NCOR1: variants seen among roughly 807,000 people sequenced by gnomAD.
NCOR1 encodes protein phosphatase 1, regulatory subunit 109.
NCOR1 carries 63 observed loss-of-function variants against 288.1 expected under a neutral mutation model. The ratio of observed to expected loss-of-function variants is 0.22; its 90% CI spans 0.18 to 0.27. The LOEUF is 0.27. Among genes scored for constraint, NCOR1 ranks in the 10% least tolerant of loss-of-function variants. NCOR1 has a pLI of 1.00. For synonymous variants in NCOR1, 1,007 were observed against 1,065.9 expected, an observed-to-expected ratio of 0.94 and a Z score of 1.08; for missense variants, 2,397 against 3,019.2, an observed-to-expected ratio of 0.79 and a Z score of 4.83.
chr17:16,041,504 C>T (rs1478951494), intron 42 of NCOR1, among the ~76,000 whole-genome samples: 1 of 147,610 alleles, frequency 6.8e-6, no homozygotes, highest in East Asian at 2.0e-4. Context: ...ACCTCTGCCT[C>T]CTGGGTTCAA....
At chr17:16,123,897 T>C (rs145200521) in intron 15 of NCOR1, among the ~76,000 whole-genome samples, 155 of 152,338 alleles carry the variant, frequency 1.0e-3, no homozygotes, top group African/African-American at 3.6e-3. Flanking sequence ...GGGAATAGTA[T>C]ACATCTTACG....
intron 32 of NCOR1, 43 bp downstream of exon 32, chr17:16,067,851 G>T: frequency 6.5e-7 from 1 of 1,533,076 alleles, no homozygotes; most frequent in Non-Finnish European, 8.9e-7. Context: ...CATACTGGTG[G>T]CATATTTATT....
rs191324589 is a variant in NCOR1 at position 16,188,423 on chromosome 17, A to C, written c.109-1736T>G. Among the ~76,000 whole-genome samples, 629 of 152,080 alleles carry C rather than the reference A, an allele frequency of 4.1e-3. 7 individuals carry two copies. Among genetic ancestry groups the C allele is most frequent in the African/African-American group, 0.015 (607 of 41,498 alleles). ...TCAGGAGTTTGAGAACAGCCTGGCCAACACAGTGAAACCCCATCTCCACTA... is the reference window on the plus strand; with the variant it reads ...TCAGGAGTTTGAGAACAGCCTGGCCCACACAGTGAAACCCCATCTCCACTA... On this transcript the variant is annotated intron_variant, in intron 2 of 45. Coordinates refer to ENST00000268712, the MANE Select transcript of NCOR1 (RefSeq NM_006311.4).
intron 14 of NCOR1, among the ~76,000 whole-genome samples, chr17:16,128,480 A>C (rs994670748): frequency 1.3e-5 from 2 of 152,196 alleles, no homozygotes; most frequent in African/African-American, 4.8e-5. Flanking sequence ...AAGAACAAGA[A>C]TCCAATCTTA....
intron 3 of NCOR1, among the ~76,000 whole-genome samples, chr17:16,181,145 T>C (rs1285867040): frequency 2.7e-5 from 4 of 148,154 alleles, no homozygotes; most frequent in African/African-American, 5.0e-5. Flanking sequence ...GGTGACAGAG[T>C]GAGACTCTGT....
intron 19 of NCOR1, among the ~76,000 whole-genome samples, chr17:16,104,458 G>A (rs916627700): frequency 9.2e-5 from 14 of 152,090 alleles, no homozygotes; most frequent in Admixed American, 3.9e-4. Flanking sequence ...ATATTCTAGC[G>A]TGAAATAGAC....
At position 16,146,306 on chromosome 17, in the gene NCOR1, A is replaced by T. The variant is rs754854817; in HGVS notation, c.1082+70T>A. 988 of 1,447,508 alleles carry T rather than the reference A, an allele frequency of 6.8e-4. 1 individual carries two copies. The highest frequency in any genetic ancestry group is 8.8e-4 in the Non-Finnish European group (950 of 1,081,406). The allele number at this position is 1,447,508 out of a possible 1,614,324, so 89.7% of individuals were successfully genotyped here. On this transcript the variant is annotated intron_variant, in intron 10 of 45. Coordinates refer to ENST00000268712, the MANE Select transcript of NCOR1 (RefSeq NM_006311.4). ...AGAATGATCAATACATACTAAAAAAATTTTTAAAAAAAAGAAACAATAAAT... is the reference window on the plus strand; with the variant it reads ...AGAATGATCAATACATACTAAAAAATTTTTTAAAAAAAAGAAACAATAAAT...
chr17:16,077,621 A>G, intron 26 of NCOR1, among the ~76,000 whole-genome samples: 3 of 146,022 alleles, frequency 2.1e-5, no homozygotes, highest in African/African-American at 5.1e-5. Flanking sequence ...GGAAGGGAGG[A>G]AGGGAGGAAG....
intron 11 of NCOR1, among the ~76,000 whole-genome samples, chr17:16,139,462 A>C (rs2076864852): frequency 1.3e-5 from 2 of 152,222 alleles, no homozygotes; most frequent in African/African-American, 4.8e-5. Flanking sequence ...ACTTAACATA[A>C]TAAAATTTTA....
At chr17:16,105,118 G>C (rs2068354556) in intron 19 of NCOR1, among the ~76,000 whole-genome samples, 1 of 152,176 alleles carries the variant, frequency 6.6e-6, no homozygotes, top group African/African-American at 2.4e-5. Context: ...GTAAGGCCTT[G>C]GGTCTTTATT....
intron 14 of NCOR1, among the ~76,000 whole-genome samples, chr17:16,127,236 CATATATGTATGT>C (rs910112479): frequency 2.6e-5 from 3 of 116,726 alleles, no homozygotes; most frequent in South Asian, 2.8e-4. Context: ...TACATGTATG[CATATATGTATGT>C]ATATATGTGT....
chr17:16,173,236 G>C lies in NCOR1; in HGVS notation c.243-1241C>G, dbSNP rs145285467. Among the ~76,000 whole-genome samples, 108 of 152,186 alleles carry C rather than the reference G, an allele frequency of 7.1e-4. 2 individuals carry two copies. The East Asian group carries it at 0.02, about 28-fold the overall frequency. Reference sequence around the variant, plus strand: ...GCACCTGGCCTGAATGCTAAATTCTGTAAAATTATTATACTTCAAAATTTT... The same window carrying C: ...GCACCTGGCCTGAATGCTAAATTCTCTAAAATTATTATACTTCAAAATTTT... On this transcript the variant is annotated intron_variant, in intron 3 of 45. Transcript: ENST00000268712.
chr17:16,094,949 C>T (rs574337379), intron 21 of NCOR1, among the ~76,000 whole-genome samples: 21 of 152,180 alleles, frequency 1.4e-4, no homozygotes, highest in African/African-American at 4.8e-4. Flanking sequence ...CCTTGGCCCC[C>T]CAAAGTGCAG....
chr17:16,157,633 A>T (rs2080031089), intron 6 of NCOR1, among the ~76,000 whole-genome samples: 1 of 152,172 alleles, frequency 6.6e-6, no homozygotes, highest in Non-Finnish European at 1.5e-5. Context: ...TACAAATCAA[A>T]TCAATCAAAA....
In NCOR1 at chr17:16,070,532, GGAAA is replaced by G. The variant is rs780896916; in HGVS notation, c.4153-11_4153-8del. On this transcript the variant is annotated splice_polypyrimidine_tract_variant and splice_region_variant and intron_variant, in intron 30 of 45. Coordinates refer to ENST00000268712, the MANE Select transcript of NCOR1 (RefSeq NM_006311.4). ...CAAACTTTATTGGTGTGCCCTAAAG[GGAAA>G]GAAACAAACATTACAGGTAGCAAAG... The G allele has an allele frequency of 6.2e-7, 1 of 1,609,428 alleles. No homozygotes were observed. Among genetic ancestry groups the G allele is most frequent in the Non-Finnish European group, 8.5e-7 (1 of 1,177,180 alleles).
intron 1 of NCOR1, among the ~76,000 whole-genome samples, chr17:16,206,000 C>A (rs902765693): frequency 6.6e-6 from 1 of 151,094 alleles, no homozygotes; most frequent in Non-Finnish European, 1.5e-5. Context: ...TGTTTAGCCT[C>A]AATCTTGATG....
chr17:16,179,322 AAG>A (rs1159130758), intron 3 of NCOR1, among the ~76,000 whole-genome samples: 1 of 152,166 alleles, frequency 6.6e-6, no homozygotes, highest in Non-Finnish European at 1.5e-5. Flanking sequence ...AAAGGATCAT[AAG>A]GAACTATATG....
chr17:16,085,875 A>G (rs921854010), intron 23 of NCOR1, among the ~76,000 whole-genome samples: 1 of 152,242 alleles, frequency 6.6e-6, no homozygotes, highest in African/African-American at 2.4e-5. Context: ...CAGAAAAAAG[A>G]TTTAGTGGCC....
chr17:16,146,992 C>T (rs1215400587), intron 9 of NCOR1, among the ~76,000 whole-genome samples: 1 of 152,200 alleles, frequency 6.6e-6, no homozygotes, highest in Non-Finnish European at 1.5e-5. Context: ...AACACACACG[C>T]TTTAACCGAT....
Sources: gnomAD v4.1 joint callset for allele counts (sites outside exome capture counted in the v4.1 genomes callset) on GRCh38, gnomAD v4.1.1 for gene constraint, MANE v1.5 for transcripts, NCBI Gene and HGNC (gene_info 2026-07-23, HGNC 2026-07-21) for gene names.